The following NCMAP variants were observed in gnomAD, a reference collection of about 807,000 sequenced individuals.
NCMAP encodes noncompact myelin-associated protein.
NCMAP carries 8 observed loss-of-function variants against 7.8 expected under a neutral mutation model. The observed-to-expected ratio is 1.02, with a 90% CI of 0.60 to 1.84. The LOEUF (loss-of-function observed/expected upper bound fraction) is 1.84, where lower values mean the gene tolerates loss of function less well. Among genes scored for constraint, NCMAP ranks in the 40% most tolerant of loss-of-function variants. NCMAP has a pLI of 0.00. For missense variants in NCMAP, 112 were observed against 131.4 expected (o/e 0.85, Z 0.72); for synonymous variants, 41 against 52.9 (o/e 0.78, Z 0.98).
intron 1 of NCMAP, among the ~76,000 whole-genome samples, chr1:24,573,646 C>A (rs1651452781): frequency 1.3e-5 from 2 of 150,206 alleles, no homozygotes. Flanking sequence ...GACTGAGAAA[C>A]CTAGAAACCG....
intron 1 of NCMAP, among the ~76,000 whole-genome samples, chr1:24,562,272 C>T (rs1385891749): frequency 6.6e-6 from 1 of 152,180 alleles, no homozygotes; most frequent in African/African-American, 2.4e-5. Flanking sequence ...CTTTAATGTG[C>T]CAGGCATTCT....
intron 1 of NCMAP, among the ~76,000 whole-genome samples, chr1:24,594,027 G>A (rs1302518949): frequency 6.9e-6 from 1 of 145,980 alleles, no homozygotes; most frequent in Admixed American, 7.1e-5. Context: ...GAGTAGCCGG[G>A]ATTACAGGCA....
At chr1:24,598,813 T>G (rs1652351883) in intron 2 of NCMAP, among the ~76,000 whole-genome samples, 1 of 151,532 alleles carries the variant, frequency 6.6e-6, no homozygotes, top group Non-Finnish European at 1.5e-5. Flanking sequence ...AATTTTTGTA[T>G]TTTTAGTAGA....
At chr1:24,581,961 GAAGTTAGAGGT>G (rs1306285356) in intron 1 of NCMAP, among the ~76,000 whole-genome samples, 3 of 152,182 alleles carry the variant, frequency 2.0e-5, no homozygotes, top group African/African-American at 7.2e-5. Context: ...CCTTTGAAGT[GAAGTTAGAGGT>G]AAGTTGGTGC....
intron 1 of NCMAP, among the ~76,000 whole-genome samples, chr1:24,587,778 G>C (rs1310521054): frequency 6.6e-6 from 1 of 152,082 alleles, no homozygotes; most frequent in Non-Finnish European, 1.5e-5. Context: ...CTCCCAAAAT[G>C]CTGGGATTAT....
intron 1 of NCMAP, among the ~76,000 whole-genome samples, chr1:24,574,448 C>T (rs1306028778): frequency 6.6e-6 from 1 of 152,116 alleles, no homozygotes; most frequent in African/African-American, 2.4e-5. Context: ...TCATCAGTGT[C>T]CCTGGTGCTG....
intron 2 of NCMAP, 46 bp from the exon 3 acceptor site, chr1:24,600,894 C>T (rs760892207): frequency 1.9e-6 from 3 of 1,570,902 alleles, no homozygotes; most frequent in Middle Eastern, 1.9e-4. Flanking sequence ...TCCTGGTCTG[C>T]GTTCAGTTTG....
Position 24,606,870 on chromosome 1 carries a change from C to T in NCMAP, c.*1123C>T, listed in dbSNP as rs925764237. On this transcript the variant is annotated 3_prime_UTR_variant, in exon 4 of 4. Transcript: ENST00000374392. The stretch of plus-strand genomic sequence containing the variant: ...CCTAACCATGAAGTGGAAATGATAA[C>T]ACCTGCCTCATTGGGGCACTATAAC... 7.9e-5 allele frequency: 12 copies of T among 152,234 alleles called. No individual in the cohort carries two copies. The highest frequency in any genetic ancestry group is 1.5e-4 in the Non-Finnish European group (10 of 68,054). 9.4% of individuals were successfully genotyped at this position (152,234 alleles called of 1,614,324 possible). A position where few individuals can be genotyped will look rare whatever the true frequency, so the allele number is the denominator to read the frequency against.
At chr1:24,573,752 A>G (rs1256662251) in intron 1 of NCMAP, among the ~76,000 whole-genome samples, 1 of 150,306 alleles carries the variant, frequency 6.7e-6, no homozygotes, top group South Asian at 2.1e-4. Context: ...AGCCTGGGCA[A>G]CATAGTAAAA....
At chr1:24,557,126 G>A (rs1650918399) in intron 1 of NCMAP, among the ~76,000 whole-genome samples, 3 of 152,190 alleles carry the variant, frequency 2.0e-5, no homozygotes, top group Admixed American at 2.0e-4. Flanking sequence ...TGGGGGCAGG[G>A]ATGATGCCTA....
At chr1:24,573,971 A>T (rs868365572) in intron 1 of NCMAP, among the ~76,000 whole-genome samples, 1 of 137,490 alleles carries the variant, frequency 7.3e-6, no homozygotes, top group Non-Finnish European at 1.5e-5. Context: ...AAAAAAAAAA[A>T]CAGAAAAAAG....
chr1:24,587,249 G>C (rs72886106), intron 1 of NCMAP, among the ~76,000 whole-genome samples: 2,736 of 152,264 alleles, frequency 0.018, 75 homozygotes, highest in African/African-American at 0.062. Context: ...TCACCCGAAG[G>C]CTTGTTTGAA....
intron 1 of NCMAP, among the ~76,000 whole-genome samples, chr1:24,574,596 T>TAAC (rs986523508): frequency 4.6e-5 from 7 of 152,014 alleles, no homozygotes; most frequent in African/African-American, 1.7e-4. Flanking sequence ...TGTATCTGTA[T>TAAC]AACACATTGA....
At chr1:24,586,033 G>T (rs936897941) in intron 1 of NCMAP, among the ~76,000 whole-genome samples, 1 of 152,186 alleles carries the variant, frequency 6.6e-6, no homozygotes, top group African/African-American at 2.4e-5. Context: ...AGAAGGGCTG[G>T]GAACTGGCAT....
intron 2 of NCMAP, 99 bp downstream of exon 2, chr1:24,595,611 C>A: frequency 1.1e-6 from 1 of 930,632 alleles, no homozygotes; most frequent in Non-Finnish European, 1.7e-6. Context: ...AGGTGGACTG[C>A]CTGGGTCTCA....
chr1:24,571,706 C>T (rs1169741306), intron 1 of NCMAP, among the ~76,000 whole-genome samples: 1 of 149,852 alleles, frequency 6.7e-6, no homozygotes, highest in East Asian at 2.0e-4. Flanking sequence ...CTGCCTCAGC[C>T]TCCCGAGTAG....
rs1570545503 is a variant in NCMAP at position 24,605,815 on chromosome 1, C to T, written c.*68C>T. 3 of 1,551,218 alleles carry T rather than the reference C, an allele frequency of 1.9e-6. No individual in the cohort carries two copies. The highest frequency in any genetic ancestry group is 1.7e-4 in the Middle Eastern group (1 of 5,794). ...TCCAGAGTCAAGACCCAGAGGCACA[C>T]TCTCTGGCAGCTTCACAATGAGCTT... On this transcript the variant is annotated 3_prime_UTR_variant, in exon 4 of 4. Coordinates refer to ENST00000374392, the MANE Select transcript of NCMAP (RefSeq NM_001010980.5).
In NCMAP at chr1:24,577,094, C is replaced by T. The variant is rs141275610; in HGVS notation, c.-7-18330C>T. 9.8e-3 allele frequency among the ~76,000 whole-genome samples: 1,488 copies of T among 152,018 alleles called. 29 individuals carry two copies. Among genetic ancestry groups the T allele is most frequent in the African/African-American group, 0.034 (1,420 of 41,430 alleles). On this transcript the variant is annotated intron_variant, in intron 1 of 3. Transcript: ENST00000374392. ...TAGAGGTTCCAGTGAGCCAAGATTG[C>T]GCCACTGCACTCCAGGCCTGGGCGA...
chr1:24,589,216 C>A (rs1256232632), intron 1 of NCMAP, among the ~76,000 whole-genome samples: 1 of 152,086 alleles, frequency 6.6e-6, no homozygotes, highest in Non-Finnish European at 1.5e-5. Context: ...AAATTAACCT[C>A]TGTCAGTGAA....
Sources: gnomAD v4.1 joint callset for allele counts (sites outside exome capture counted in the v4.1 genomes callset) on GRCh38, gnomAD v4.1.1 for gene constraint, MANE v1.5 for transcripts, NCBI Gene and HGNC (gene_info 2026-07-23, HGNC 2026-07-21) for gene names.